The following CA10 variants were observed in gnomAD, a reference collection of about 807,000 sequenced individuals.
CA10 encodes carbonic anhydrase 10 (inactive).
In CA10, 14 loss-of-function variants were observed where a neutral mutation model predicts 44.2. That is an observed-to-expected ratio of 0.32 (90% CI 0.21 to 0.50). The LOEUF (loss-of-function observed/expected upper bound fraction) is 0.50, where lower values mean the gene tolerates loss of function less well. CA10 is among the 20% of genes least tolerant of loss of function. CA10 has a pLI of 0.99. For synonymous variants in CA10, 159 were observed against 141.6 expected, an observed-to-expected ratio of 1.12 and a Z score of -0.87; for missense variants, 350 against 409.7, an observed-to-expected ratio of 0.85 and a Z score of 1.26.
chr17:51,810,074 C>A (rs1907296827), intron 3 of CA10, among the ~76,000 whole-genome samples: 2 of 152,140 alleles, frequency 1.3e-5, no homozygotes, highest in South Asian at 4.1e-4. Context: ...CAAATTGTCA[C>A]CTCTGCAGAA....
At chr17:51,858,793 G>A (rs989060124) in intron 3 of CA10, among the ~76,000 whole-genome samples, 1 of 152,164 alleles carries the variant, frequency 6.6e-6, no homozygotes, top group Admixed American at 6.5e-5. Context: ...AGTGGCTAGT[G>A]AAGGGTAGTT....
intron 1 of CA10, among the ~76,000 whole-genome samples, chr17:52,089,757 C>T (rs1272731619): frequency 6.6e-6 from 1 of 151,766 alleles, no homozygotes; most frequent in Non-Finnish European, 1.5e-5. Flanking sequence ...TATTTTAAAA[C>T]TCTCAAAACT....
intron 3 of CA10, among the ~76,000 whole-genome samples, chr17:51,845,745 C>T (rs1978465416): frequency 6.6e-6 from 1 of 152,304 alleles, no homozygotes; most frequent in Non-Finnish European, 1.5e-5. Context: ...AAAAAGTGGG[C>T]TTCTTTCTTG....
chr17:51,677,471 G>A (rs1914664939), intron 4 of CA10, among the ~76,000 whole-genome samples: 1 of 152,158 alleles, frequency 6.6e-6, no homozygotes, highest in Non-Finnish European at 1.5e-5. Flanking sequence ...AGAAGCAGAT[G>A]CTGCCATGCT....
intron 4 of CA10, among the ~76,000 whole-genome samples, chr17:51,686,975 G>T (rs1416666831): frequency 6.6e-6 from 1 of 151,984 alleles, no homozygotes; most frequent in Non-Finnish European, 1.5e-5. Flanking sequence ...CTTACTTTTG[G>T]CTCTTCTCTA....
At chr17:52,024,830 C>A (rs759595479) in intron 2 of CA10, among the ~76,000 whole-genome samples, 1 of 151,734 alleles carries the variant, frequency 6.6e-6, no homozygotes, top group Non-Finnish European at 1.5e-5. Context: ...CTTAATAAGT[C>A]AGCTATGATA....
chr17:51,752,522 A>G lies in CA10; in HGVS notation c.280-4704T>C, dbSNP rs527732920. Among the ~76,000 whole-genome samples, 3 of 152,178 alleles carry G rather than the reference A, an allele frequency of 2.0e-5. No individual in the cohort carries two copies. In the East Asian group the frequency reaches 5.8e-4, roughly 29 times the overall value. On this transcript the variant is annotated intron_variant, in intron 3 of 8. Coordinates refer to ENST00000451037, the MANE Select transcript of CA10 (RefSeq NM_020178.5). ...AGCGGGGGCTGGTGAAGGTTCAGTA[A>G]CTTATCCAGAATCACACAGTGGCAG...
intron 4 of CA10, among the ~76,000 whole-genome samples, chr17:51,710,229 G>A (rs906939778): frequency 3.9e-5 from 6 of 152,318 alleles, no homozygotes; most frequent in Admixed American, 3.9e-4. Flanking sequence ...CTGAACAGAA[G>A]TCAACTAGAA....
intron 4 of CA10, among the ~76,000 whole-genome samples, chr17:51,683,431 T>C (rs1188284023): frequency 6.6e-6 from 1 of 152,198 alleles, no homozygotes; most frequent in Non-Finnish European, 1.5e-5. Flanking sequence ...TCTCACTTGC[T>C]CCGACTGCTT....
intron 2 of CA10, among the ~76,000 whole-genome samples, chr17:52,010,435 A>G (rs1351916740): frequency 1.3e-5 from 2 of 151,936 alleles, no homozygotes; most frequent in Non-Finnish European, 1.5e-5. Context: ...ATGGAATACT[A>G]CTCAGCCATA....
chr17:51,652,736 A>G (rs186391871), intron 5 of CA10, among the ~76,000 whole-genome samples: 1 of 152,296 alleles, frequency 6.6e-6, no homozygotes, highest in East Asian at 1.9e-4. Flanking sequence ...TGATGTCATC[A>G]TGACAGCCCT....
At chr17:51,718,497 A>C (rs180931172) in intron 4 of CA10, among the ~76,000 whole-genome samples, 1 of 152,148 alleles carries the variant, frequency 6.6e-6, no homozygotes, top group Non-Finnish European at 1.5e-5. Context: ...GAAGCTCCTC[A>C]ACCCTTCCCC....
intron 4 of CA10, among the ~76,000 whole-genome samples, chr17:51,704,980 G>GAAAAAGAAA (rs1915719214): frequency 2.0e-5 from 3 of 148,382 alleles, no homozygotes; most frequent in African/African-American, 7.4e-5. Context: ...AAAAAAAAAA[G>GAAAAAGAAA]AAAAAGAAAA....
intron 3 of CA10, among the ~76,000 whole-genome samples, chr17:51,894,992 G>A (rs1339620006): frequency 6.6e-6 from 1 of 151,960 alleles, no homozygotes; most frequent in Non-Finnish European, 1.5e-5. Context: ...GAATCCCTAA[G>A]GATAAAGAAA....
chr17:51,771,261 A>T (rs1304813691), intron 3 of CA10, among the ~76,000 whole-genome samples: 1 of 151,804 alleles, frequency 6.6e-6, no homozygotes, highest in Non-Finnish European at 1.5e-5. Context: ...CCAATACTGG[A>T]GATTATATTT....
intron 3 of CA10, among the ~76,000 whole-genome samples, chr17:51,793,337 G>A (rs953168018): frequency 3.9e-5 from 6 of 152,126 alleles, no homozygotes; most frequent in Admixed American, 2.6e-4. Context: ...AAACCATGTG[G>A]TTGCAGTTTC....
chr17:51,865,663 A>G (rs887209795), intron 3 of CA10, among the ~76,000 whole-genome samples: 5 of 152,170 alleles, frequency 3.3e-5, no homozygotes, highest in Admixed American at 2.0e-4. Context: ...TATTCTTCCA[A>G]TTTCAGAAAT....
intron 4 of CA10, among the ~76,000 whole-genome samples, chr17:51,660,489 G>A (rs1465527553): frequency 6.6e-6 from 1 of 152,240 alleles, no homozygotes; most frequent in African/African-American, 2.4e-5. Flanking sequence ...AGGTTAAGCT[G>A]GGAGCAGCTT....
rs140011655 is a variant in CA10 at position 51,787,084 on chromosome 17, G to A, written c.280-39266C>T. On this transcript the variant is annotated intron_variant, in intron 3 of 8. Transcript: ENST00000451037. Reference sequence around the variant, plus strand: ...GTTGAATTTGGTTTGCTAATATTTTGTTGAGGATTTTTGCATCAATATTCA... The same window carrying A: ...GTTGAATTTGGTTTGCTAATATTTTATTGAGGATTTTTGCATCAATATTCA... Among the ~76,000 whole-genome samples the A allele has an allele frequency of 4.6e-5, 7 of 152,244 alleles. No homozygotes were observed. The East Asian group carries it at 9.7e-4, about 21-fold the overall frequency.
Sources: allele counts gnomAD v4.1 joint callset (sites outside exome capture counted in the v4.1 genomes callset), GRCh38; gene constraint gnomAD v4.1.1; transcripts MANE v1.5; gene names NCBI Gene and HGNC (gene_info 2026-07-23, HGNC 2026-07-21).